RNF138: variants seen among roughly 807,000 people sequenced by gnomAD.
RNF138 encodes E3 ubiquitin-protein ligase RNF138.
Under a neutral mutation model 31.0 loss-of-function variants are expected in RNF138, and 12 were observed. The ratio of observed to expected loss-of-function variants is 0.39; its 90% confidence interval spans 0.25 to 0.63. RNF138 has a LOEUF of 0.63. RNF138 is among the 20% of genes least tolerant of loss of function. RNF138 has a pLI of 0.52. For synonymous variants in RNF138, 105 were observed against 99.5 expected, an observed-to-expected ratio of 1.06 and a Z score of -0.33; for missense variants, 192 against 300.1, an observed-to-expected ratio of 0.64 and a Z score of 2.66.
At chr18:32,098,561 T>TA (rs71177844) in intron 2 of RNF138, among the ~76,000 whole-genome samples, 152,221 of 152,252 alleles carry the variant, frequency 1, 76,095 homozygotes, top group Middle Eastern at 1. Context: ...AATTATATAA[T>TA]AAAGGTTGAG....
chr18:32,098,318 A>G (rs2039851868), intron 2 of RNF138, among the ~76,000 whole-genome samples: 1 of 151,764 alleles, frequency 6.6e-6, no homozygotes. Context: ...TATTTCTTAT[A>G]GTTTAAATTT....
chr18:32,120,438 A>G (rs891272134), intron 4 of RNF138, among the ~76,000 whole-genome samples: 3 of 152,266 alleles, frequency 2.0e-5, no homozygotes, highest in Admixed American at 6.5e-5. Context: ...GATATAGAAC[A>G]TTAAATTAAA....
In RNF138 at chr18:32,130,373, G is replaced by A. The variant is rs2040453906; in HGVS notation, c.*1186G>A. 1 of 152,344 alleles carries A rather than the reference G, an allele frequency of 6.6e-6. No homozygotes were observed. The highest frequency in any genetic ancestry group is 1.5e-5 in the Non-Finnish European group (1 of 67,858). The allele number at this position is 152,344 out of a possible 1,614,324, so 9.4% of individuals were successfully genotyped here. A position where few individuals can be genotyped will look rare whatever the true frequency, so the allele number is the denominator to read the frequency against. On this transcript the variant is annotated 3_prime_UTR_variant, in exon 8 of 8. Coordinates refer to ENST00000261593, the MANE Select transcript of RNF138 (RefSeq NM_016271.5). Reference sequence around the variant, plus strand: ...AAATATAATGTGTGACCGTGATATAGTGAGAAAGATTCTACCAACCACTGT... The same window carrying A: ...AAATATAATGTGTGACCGTGATATAATGAGAAAGATTCTACCAACCACTGT...
intron 2 of RNF138, among the ~76,000 whole-genome samples, chr18:32,110,410 A>G (rs2040106844): frequency 6.6e-6 from 1 of 152,196 alleles, no homozygotes; most frequent in Admixed American, 6.5e-5. Flanking sequence ...AGCATTTTAT[A>G]CTTGTTATCT....
intron 4 of RNF138, among the ~76,000 whole-genome samples, chr18:32,120,065 T>G (rs986077405): frequency 4.6e-5 from 7 of 152,192 alleles, no homozygotes; most frequent in Non-Finnish European, 1.0e-4. Context: ...AATACTTGAT[T>G]TATTGCATTG....
chr18:32,122,606 T>C (rs1814795), intron 4 of RNF138, among the ~76,000 whole-genome samples: 98,607 of 151,876 alleles, frequency 0.65, 32,292 homozygotes, highest in East Asian at 0.75. Flanking sequence ...GGCGGATCAC[T>C]TGAGCTCAGG....
intron 2 of RNF138, among the ~76,000 whole-genome samples, chr18:32,099,142 A>C (rs1023344872): frequency 6.6e-6 from 1 of 152,134 alleles, no homozygotes; most frequent in African/African-American, 2.4e-5. Flanking sequence ...GAGAAATGTA[A>C]AGAGACCTTT....
chr18:32,097,186 ACCTCTGTTCTTCCTTGTTTTGAACAGT>A (rs1306726116), intron 2 of RNF138, among the ~76,000 whole-genome samples: 1 of 152,206 alleles, frequency 6.6e-6, no homozygotes, highest in East Asian at 1.9e-4. Context: ...GCTCTTGGAA[ACCTCTGTTCTTCCTTGTTTTGAACAGT>A]CAAGGAAATA....
In RNF138 at chr18:32,129,588, T is replaced by C. The variant is rs1380778944; in HGVS notation, c.*401T>C. 6.4e-6 allele frequency: 1 copy of C among 156,306 alleles called. No homozygotes were observed. Among genetic ancestry groups the C allele is most frequent in the Non-Finnish European group, 1.4e-5 (1 of 70,256 alleles). 9.7% of individuals were successfully genotyped at this position (156,306 alleles called of 1,614,324 possible). A position where few individuals can be genotyped will look rare whatever the true frequency, so the allele number is the denominator to read the frequency against. ...TTTGAACGATGTGATTGATATAACC[T>C]AACAAATCTGAGCCAGTTATTATTA... On this transcript the variant is annotated 3_prime_UTR_variant, in exon 8 of 8. Transcript: ENST00000261593.
rs917867771 is a variant in RNF138 at position 32,130,659 on chromosome 18, G to C, written c.*1472G>C. On this transcript the variant is annotated 3_prime_UTR_variant, in exon 8 of 8. Coordinates refer to ENST00000261593, the MANE Select transcript of RNF138 (RefSeq NM_016271.5). ...TTTTGGTTTTGTTAAAACCCTTGTTGACTTTTCTACACTGAACATTTTTTT... is the reference window on the plus strand; with the variant it reads ...TTTTGGTTTTGTTAAAACCCTTGTTCACTTTTCTACACTGAACATTTTTTT... 3.9e-5 allele frequency: 6 copies of C among 152,262 alleles called. No individual in the cohort carries two copies. Among genetic ancestry groups the C allele is most frequent in the Non-Finnish European group, 7.4e-5 (5 of 67,842 alleles). 9.4% of individuals were successfully genotyped at this position (152,262 alleles called of 1,614,324 possible).
intron 2 of RNF138, among the ~76,000 whole-genome samples, chr18:32,094,037 C>G (rs1441065967): frequency 1.3e-5 from 2 of 152,056 alleles, no homozygotes; most frequent in African/African-American, 4.8e-5. Context: ...GTGATCCTCC[C>G]GCCTCGGCCT....
chr18:32,096,794 A>G (rs560628430), intron 2 of RNF138, among the ~76,000 whole-genome samples: 18 of 152,120 alleles, frequency 1.2e-4, no homozygotes, highest in Non-Finnish European at 2.4e-4. Context: ...TGGCATGATC[A>G]TAGCTTACTG....
rs570062971 is a variant in RNF138, at chr18:32,128,884, T to C, written c.670-235T>C. Among the ~76,000 whole-genome samples, 3 of 150,588 alleles carry C rather than the reference T, an allele frequency of 2.0e-5. No individual in the cohort carries two copies. The East Asian group carries it at 5.8e-4, about 29-fold the overall frequency. ...CAAATTTTGTTCTGTGATGATCCTC[T>C]CTGTTTGTTTGTTATTCTTGAACAG... On this transcript the variant is annotated intron_variant, in intron 7 of 7. Coordinates refer to ENST00000261593, the MANE Select transcript of RNF138 (RefSeq NM_016271.5).
intron 4 of RNF138, among the ~76,000 whole-genome samples, chr18:32,114,642 T>C (rs1489192376): frequency 1.3e-5 from 2 of 152,178 alleles, no homozygotes; most frequent in African/African-American, 4.8e-5. Context: ...CCCTAAACAA[T>C]GCATTGTTAA....
chr18:32,110,882 G>T (rs2040116733), intron 2 of RNF138, among the ~76,000 whole-genome samples: 1 of 151,730 alleles, frequency 6.6e-6, no homozygotes, highest in South Asian at 2.1e-4. Flanking sequence ...CTGGGTTCAT[G>T]CCATTCTCCT....
chr18:32,112,585 T>A (rs1025749754), intron 3 of RNF138, among the ~76,000 whole-genome samples: 1 of 152,184 alleles, frequency 6.6e-6, no homozygotes, highest in African/African-American at 2.4e-5. Context: ...CTTGGGAGGC[T>A]GAGGCAGAAT....
intron 2 of RNF138, among the ~76,000 whole-genome samples, chr18:32,095,237 A>C (rs1175750138): frequency 1.3e-5 from 2 of 152,084 alleles, no homozygotes; most frequent in Non-Finnish European, 2.9e-5. Context: ...TGGTGTGATC[A>C]TGTTTCATTG....
At chr18:32,116,356 C>G (rs1036198936) in intron 4 of RNF138, among the ~76,000 whole-genome samples, 1 of 151,926 alleles carries the variant, frequency 6.6e-6, no homozygotes, top group Non-Finnish European at 1.5e-5. Flanking sequence ...GATCTCTAAA[C>G]TTTATTGTAT....
At chr18:32,106,866 G>A (rs1016769331) in intron 2 of RNF138, among the ~76,000 whole-genome samples, 4 of 151,728 alleles carry the variant, frequency 2.6e-5, no homozygotes, top group Non-Finnish European at 5.9e-5. Context: ...GCGCCCGGCT[G>A]AAAAATTATT....
Sources: allele counts gnomAD v4.1 joint callset (sites outside exome capture counted in the v4.1 genomes callset), GRCh38; gene constraint gnomAD v4.1.1; transcripts MANE v1.5; gene names NCBI Gene and HGNC (gene_info 2026-07-23, HGNC 2026-07-21).